Variants in RIMOC1 observed in about 807,000 individuals in gnomAD.
RIMOC1 encodes the protein RAB7A interacting MON1-CCZ1 complex subunit 1, also known as RAB7A-interacting MON1-CCZ1 complex subunit 1.
At chr5:41,904,374 G>A in the RIMOC1 span, 4 of 1,613,402 alleles carry the variant, frequency 2.5e-6, no homozygotes, top group Non-Finnish European at 2.5e-6. Flanking sequence ...GGCCATGGCG[G>A]CCGCAGTCTC....
At chr5:41,912,125 C>T in the RIMOC1 span, 1 of 1,612,192 alleles carries the variant, frequency 6.2e-7, no homozygotes, top group Non-Finnish European at 8.5e-7. Context: ...GATGTCCTAT[C>T]CAGTTAAATG....
the RIMOC1 span, among the ~76,000 whole-genome samples, chr5:41,905,179 G>A: frequency 6.6e-5 from 10 of 152,160 alleles, no homozygotes; most frequent in Non-Finnish European, 1.2e-4. Flanking sequence ...TTAAAATTCT[G>A]TGGACTGACT....
chr5:41,907,094 G>A, the RIMOC1 span, among the ~76,000 whole-genome samples: 21 of 152,266 alleles, frequency 1.4e-4, no homozygotes, highest in South Asian at 8.3e-4. Context: ...TGGTGAAGGC[G>A]GAGGGAGGGT....
At chr5:41,914,194 A>T in the RIMOC1 span, among the ~76,000 whole-genome samples, 1 of 152,088 alleles carries the variant, frequency 6.6e-6, no homozygotes, top group African/African-American at 2.4e-5. Flanking sequence ...TCTTTGTCAT[A>T]CTTTGAATTT....
chr5:41,914,549 A>G, the RIMOC1 span, among the ~76,000 whole-genome samples: 7 of 151,922 alleles, frequency 4.6e-5, no homozygotes, highest in East Asian at 1.4e-3. Flanking sequence ...TGATCACTTG[A>G]GAAAACTGGC....
the RIMOC1 span, chr5:41,907,649 C>A: frequency 2.8e-6 from 2 of 708,762 alleles, no homozygotes; most frequent in South Asian, 1.9e-5. Flanking sequence ...TTCATCTTGT[C>A]ATTTCATCTT....
At chr5:41,907,687 A>G in the RIMOC1 span, 4 of 1,175,818 alleles carry the variant, frequency 3.4e-6, no homozygotes, top group South Asian at 4.1e-5. Context: ...TTGTTTAAAT[A>G]ACACTCTGAA....
the RIMOC1 span, chr5:41,917,465 A>G: frequency 5.9e-6 from 8 of 1,345,114 alleles, no homozygotes; most frequent in Non-Finnish European, 6.7e-6. Context: ...CTTTTTCATT[A>G]TATATTAGTA....
At chr5:41,914,796 C>A in the RIMOC1 span, among the ~76,000 whole-genome samples, 9 of 151,848 alleles carry the variant, frequency 5.9e-5, no homozygotes, top group Non-Finnish European at 1.0e-4. Flanking sequence ...GGCTGCTTTG[C>A]CCAAATGTAT....
At chr5:41,916,304 A>C in the RIMOC1 span, 1 of 627,636 alleles carries the variant, frequency 1.6e-6, no homozygotes, top group Admixed American at 6.3e-5. Flanking sequence ...TTTTTATTCT[A>C]GGTTTATTTG....
At chr5:41,919,333 AATC>A in the RIMOC1 span, 1 of 152,150 alleles carries the variant, frequency 6.6e-6, no homozygotes, top group South Asian at 2.1e-4. Context: ...CATCCTGTGT[AATC>A]ATGTTCTAGT....
the RIMOC1 span, chr5:41,904,527 G>T: frequency 6.7e-7 from 1 of 1,496,286 alleles, no homozygotes; most frequent in South Asian, 1.2e-5. Context: ...ACTGGCGCTC[G>T]ATGGCTGTGA....
At chr5:41,916,440 T>G in the RIMOC1 span, 1 of 965,456 alleles carries the variant, frequency 1.0e-6, no homozygotes, top group Non-Finnish European at 1.2e-6. Flanking sequence ...ATACTCTCTT[T>G]TTTTCTGGTA....
chr5:41,917,889 T>G, the RIMOC1 span: 74 of 805,282 alleles, frequency 9.2e-5, no homozygotes, highest in Non-Finnish European at 1.1e-4. Context: ...TCTACTTCCC[T>G]TAGGCATTTT....
chr5:41,916,047 C>T, the RIMOC1 span, among the ~76,000 whole-genome samples: 1 of 152,214 alleles, frequency 6.6e-6, no homozygotes, highest in Non-Finnish European at 1.5e-5. Flanking sequence ...AGGTGAACAA[C>T]AGACATTGTG....
the RIMOC1 span, among the ~76,000 whole-genome samples, chr5:41,907,364 C>T: frequency 6.6e-6 from 1 of 151,940 alleles, no homozygotes; most frequent in Non-Finnish European, 1.5e-5. Flanking sequence ...AGTGGAAGCC[C>T]TTTCTGTATA....
the RIMOC1 span, among the ~76,000 whole-genome samples, chr5:41,906,834 A>G: frequency 6.6e-6 from 1 of 152,208 alleles, no homozygotes; most frequent in Non-Finnish European, 1.5e-5. Context: ...CAAATGCTAC[A>G]CTATCTGTTC....
the RIMOC1 span, chr5:41,909,737 T>G: frequency 6.6e-7 from 1 of 1,522,428 alleles, no homozygotes; most frequent in Non-Finnish European, 8.8e-7. Context: ...TCTTTTTTTT[T>G]TTTTTTAGGC....
chr5:41,912,286 TTA>T, the RIMOC1 span: 2 of 697,978 alleles, frequency 2.9e-6, no homozygotes, highest in Non-Finnish European at 4.9e-6. Flanking sequence ...TCAAGGTAGA[TTA>T]TAGACAAAAA....
Sources: gnomAD v4.1 joint callset for allele counts (sites outside exome capture counted in the v4.1 genomes callset) on GRCh38, gnomAD v4.1.1 for gene constraint, MANE v1.5 for transcripts, NCBI Gene and HGNC (gene_info 2026-07-23, HGNC 2026-07-21) for gene names.